The following RUNX2 variants were observed in gnomAD, a reference collection of about 807,000 sequenced individuals.
RUNX2 encodes the protein runt-related transcription factor 2.
RUNX2 carries 10 observed loss-of-function variants against 51.7 expected under a neutral mutation model. The ratio of observed to expected loss-of-function variants is 0.19; its 90% CI spans 0.12 to 0.33. The LOEUF (loss-of-function observed/expected upper bound fraction) is 0.33. RUNX2 is among the 10% of genes least tolerant of loss of function. The pLI, the probability that RUNX2 is intolerant of heterozygous loss-of-function variation, is 1.00. For synonymous variants in RUNX2, 276 were observed against 273.6 expected (o/e 1.01, Z -0.09); for missense variants, 562 against 691.3 (o/e 0.81, Z 2.10).
At chr6:45,506,214 T>C (rs1297404932) in intron 6 of RUNX2, among the ~76,000 whole-genome samples, 2 of 152,196 alleles carry the variant, frequency 1.3e-5, no homozygotes, top group Admixed American at 6.5e-5. Flanking sequence ...GGAGCAGCCC[T>C]GGTCCTCTGC....
intron 5 of RUNX2, among the ~76,000 whole-genome samples, chr6:45,485,932 A>G (rs1316815229): frequency 6.6e-6 from 1 of 151,786 alleles, no homozygotes; most frequent in African/African-American, 2.4e-5. Context: ...ATACTTTTTA[A>G]ATTTTTTATT....
intron 2 of RUNX2, 44 bp from the exon 3 acceptor site, chr6:45,422,549 G>A: frequency 6.8e-7 from 1 of 1,468,224 alleles, no homozygotes; most frequent in East Asian, 2.7e-5. Flanking sequence ...CCCTCCCCCG[G>A]CCACTTCGCT....
intron 7 of RUNX2, among the ~76,000 whole-genome samples, chr6:45,523,329 G>T (rs1233311153): frequency 6.6e-6 from 1 of 151,996 alleles, no homozygotes; most frequent in Admixed American, 6.6e-5. Context: ...GTAGTGGCAT[G>T]ATCTCAGCTC....
chr6:45,392,254 C>A (rs1458967412), intron 2 of RUNX2, among the ~76,000 whole-genome samples: 1 of 152,088 alleles, frequency 6.6e-6, no homozygotes, highest in African/African-American at 2.4e-5. Flanking sequence ...CCTGTAATCC[C>A]AGCACTTTGA....
chr6:45,452,349 T>C (rs1457134527), intron 5 of RUNX2, among the ~76,000 whole-genome samples: 1 of 152,206 alleles, frequency 6.6e-6, no homozygotes, highest in Non-Finnish European at 1.5e-5. Context: ...TTCATGCATT[T>C]AAAGACTGGC....
chr6:45,345,682 AGG>A (rs1790703832), intron 2 of RUNX2, among the ~76,000 whole-genome samples: 1 of 152,172 alleles, frequency 6.6e-6, no homozygotes, highest in Non-Finnish European at 1.5e-5. Context: ...CTACTACAAT[AGG>A]TCTTTCCACA....
intron 2 of RUNX2, among the ~76,000 whole-genome samples, chr6:45,404,282 AAAAAAG>A (rs1797785858): frequency 1.5e-5 from 2 of 137,474 alleles, no homozygotes; most frequent in Admixed American, 1.5e-4. Flanking sequence ...AAAGAAAAAG[AAAAAAG>A]AAAAAAAAAA....
intron 2 of RUNX2, among the ~76,000 whole-genome samples, chr6:45,379,615 C>G (rs1797181394): frequency 6.6e-6 from 1 of 152,070 alleles, no homozygotes; most frequent in Admixed American, 6.5e-5. Flanking sequence ...GCCTGTAATC[C>G]CAGCACTTTG....
intron 2 of RUNX2, among the ~76,000 whole-genome samples, chr6:45,382,049 G>A (rs1298632107): frequency 6.6e-6 from 1 of 152,124 alleles, no homozygotes; most frequent in Non-Finnish European, 1.5e-5. Flanking sequence ...GAGTCAGAAT[G>A]GTAAGGGAAC....
chr6:45,496,874 G>A (rs906914196), intron 6 of RUNX2, among the ~76,000 whole-genome samples: 1 of 152,068 alleles, frequency 6.6e-6, no homozygotes, highest in African/African-American at 2.4e-5. Context: ...GAGGTGGAAG[G>A]ACACTGAAGG....
At chr6:45,522,303 A>T (rs182221875) in intron 7 of RUNX2, among the ~76,000 whole-genome samples, 1 of 152,330 alleles carries the variant, frequency 6.6e-6, no homozygotes, top group Admixed American at 6.5e-5. Context: ...ACATTATAGT[A>T]CTAGCCCATG....
intron 5 of RUNX2, among the ~76,000 whole-genome samples, chr6:45,480,644 G>T (rs1800086767): frequency 6.6e-6 from 1 of 152,200 alleles, no homozygotes; most frequent in Non-Finnish European, 1.5e-5. Flanking sequence ...AGCAAGCAGA[G>T]AATTGCAGAG....
chr6:45,408,041 C>T (rs991998717), intron 2 of RUNX2, among the ~76,000 whole-genome samples: 1 of 152,008 alleles, frequency 6.6e-6, no homozygotes, highest in African/African-American at 2.4e-5. Context: ...TTTTTATAAA[C>T]AATTATTAAA....
At chr6:45,501,898 T>C (rs1206758210) in intron 6 of RUNX2, among the ~76,000 whole-genome samples, 1 of 152,232 alleles carries the variant, frequency 6.6e-6, no homozygotes, top group Non-Finnish European at 1.5e-5. Context: ...ACTTAGATTT[T>C]ACCAATAGCA....
At chr6:45,455,643 T>C (rs1418989686) in intron 5 of RUNX2, among the ~76,000 whole-genome samples, 6 of 152,192 alleles carry the variant, frequency 3.9e-5, no homozygotes, top group African/African-American at 1.4e-4. Context: ...GTAGTCCTTT[T>C]ATTTATCTTT....
chr6:45,381,083 T>C (rs1384148498), intron 2 of RUNX2, among the ~76,000 whole-genome samples: 1 of 152,250 alleles, frequency 6.6e-6, no homozygotes, highest in Non-Finnish European at 1.5e-5. Context: ...GTAGATTGCA[T>C]ATTGTTTAGA....
chr6:45,515,959 C>T (rs1486804754), intron 7 of RUNX2, among the ~76,000 whole-genome samples: 1 of 152,084 alleles, frequency 6.6e-6, no homozygotes, highest in Admixed American at 6.5e-5. Context: ...CCTAAAAGAC[C>T]ATTCCAAAGA....
chr6:45,474,938 C>A (rs1355151075), intron 5 of RUNX2, among the ~76,000 whole-genome samples: 1 of 151,856 alleles, frequency 6.6e-6, no homozygotes, highest in Non-Finnish European at 1.5e-5. Context: ...AGTTCTGACC[C>A]ATCTCTGGCC....
chr6:45,464,408 C>CT (rs544292909), intron 5 of RUNX2, among the ~76,000 whole-genome samples: 28 of 150,170 alleles, frequency 1.9e-4, no homozygotes, highest in East Asian at 7.8e-4. Context: ...TAAATATAAA[C>CT]TTTTTTTTTT....
Sources: allele counts gnomAD v4.1 joint callset (sites outside exome capture counted in the v4.1 genomes callset), GRCh38; gene constraint gnomAD v4.1.1; transcripts MANE v1.5; gene names NCBI Gene and HGNC (gene_info 2026-07-23, HGNC 2026-07-21).